SNRPN: variants seen among roughly 807,000 people sequenced by gnomAD.
SNRPN encodes small nuclear ribonucleoprotein-associated protein N.
Under a neutral mutation model 25.2 loss-of-function variants are expected in SNRPN, and 7 were observed. The observed-to-expected ratio is 0.28, with a 90% confidence interval of 0.16 to 0.52. The LOEUF is 0.52. Among genes scored for constraint, SNRPN ranks in the 20% least tolerant of loss-of-function variants. SNRPN has a pLI of 0.96. For missense variants in SNRPN, 196 were observed against 322.5 expected (o/e 0.61, Z 3.00); for synonymous variants, 124 against 110.6 (o/e 1.12, Z -0.76).
At chr15:24,855,791 CAAAAAAA>C (rs56081812), upstream of SNRPN, among the ~76,000 whole-genome samples, 1 of 71,992 alleles carries the variant, frequency 1.4e-5, no homozygotes, top group African/African-American at 5.6e-5. Flanking sequence ...GAATCTGTCT[CAAAAAAA>C]AAAAAAAAAA....
chr15:24,900,153 G>A (rs1366303930), intron 2 of SNRPN, among the ~76,000 whole-genome samples: 1 of 152,180 alleles, frequency 6.6e-6, no homozygotes, highest in Non-Finnish European at 1.5e-5. Flanking sequence ...ATAACTGTAA[G>A]GACTGTGGGG....
At chr15:24,839,271 A>G (rs533606148) in intron 2 of SNRPN, among the ~76,000 whole-genome samples, 1 of 152,154 alleles carries the variant, frequency 6.6e-6, no homozygotes, top group East Asian at 1.9e-4. Flanking sequence ...TACAAAGCCC[A>G]TCATATTCCA....
chr15:24,892,444 A>G (rs1176779398), intron 2 of SNRPN, among the ~76,000 whole-genome samples: 1 of 151,780 alleles, frequency 6.6e-6, no homozygotes, highest in Non-Finnish European at 1.5e-5. Flanking sequence ...GCTGGGGGAG[A>G]TATTAAATTC....
intron 2 of SNRPN, chr15:24,912,609 G>T (rs555681618): frequency 6.6e-6 from 1 of 152,306 alleles, no homozygotes; most frequent in Admixed American, 6.5e-5. Flanking sequence ...TCTAAAATTA[G>T]TGTGGAAATT....
intron 3 of SNRPN, among the ~76,000 whole-genome samples, chr15:24,939,508 C>T (rs2061422546): frequency 6.6e-6 from 1 of 152,188 alleles, no homozygotes; most frequent in South Asian, 2.1e-4. Context: ...TCTCGGCTCA[C>T]TGCAACCTCC....
At chr15:24,905,477 C>G (rs922040726) in intron 2 of SNRPN, among the ~76,000 whole-genome samples, 2 of 146,738 alleles carry the variant, frequency 1.4e-5, no homozygotes, top group African/African-American at 2.5e-5. Flanking sequence ...CCACTGCACT[C>G]GAGCCTGGGT....
intron 3 of SNRPN, among the ~76,000 whole-genome samples, chr15:24,931,783 G>A (rs559370469): frequency 1.1e-3 from 142 of 134,666 alleles, no homozygotes; most frequent in Middle Eastern, 8.5e-3. Flanking sequence ...AGGTTGCAGT[G>A]AGCCAAGATC....
At chr15:24,872,742 G>A (rs2055291661) in intron 1 of SNRPN, among the ~76,000 whole-genome samples, 3 of 61,746 alleles carry the variant, frequency 4.9e-5, no homozygotes, top group African/African-American at 6.1e-5. Flanking sequence ...GTGAAACTCC[G>A]TCTCGAAAAA....
intron 1 of SNRPN, among the ~76,000 whole-genome samples, chr15:24,956,354 C>CGGCG (rs66513284): frequency 1.2e-4 from 17 of 138,158 alleles, no homozygotes; most frequent in Non-Finnish European, 2.2e-4. Context: ...AGCGCTTCAG[C>CGGCG]GGGGGGGTGG....
chr15:24,825,564 A>G (rs2050025918), intron 1 of SNRPN, among the ~76,000 whole-genome samples: 1 of 152,070 alleles, frequency 6.6e-6, no homozygotes, highest in Non-Finnish European at 1.5e-5. Context: ...TCATAAATTG[A>G]AAATATCACC....
chr15:24,929,093 G>A lies in SNRPN; in HGVS notation c.-391+8969G>A, dbSNP rs1308490914. ...GCTACTGGTATGTTATTGCTTTTAGGCCCTTCCAGATATACGGGATATAAA... is the reference window on the plus strand; with the variant it reads ...GCTACTGGTATGTTATTGCTTTTAGACCCTTCCAGATATACGGGATATAAA... On this transcript the variant is annotated intron_variant, in intron 3 of 11. Transcript: ENST00000400097. This position sits in a 1 kb window ranked among gnomAD's most constrained non-coding sequence, Gnocchi z 5.3. Among the ~76,000 whole-genome samples, 1 of 152,048 alleles carries A rather than the reference G, an allele frequency of 6.6e-6. No individual in the cohort carries two copies. Among genetic ancestry groups the A allele is most frequent in the Non-Finnish European group, 1.5e-5 (1 of 68,014 alleles).
At chr15:24,842,850 C>T (rs2143640520) in intron 2 of SNRPN, among the ~76,000 whole-genome samples, 1 of 152,296 alleles carries the variant, frequency 6.6e-6, no homozygotes, top group Admixed American at 6.5e-5. Context: ...ATTTTCACCC[C>T]AAAAGTTCCT....
chr15:24,924,891 T>C (rs1041721141), intron 3 of SNRPN, among the ~76,000 whole-genome samples: 7 of 152,156 alleles, frequency 4.6e-5, no homozygotes, highest in African/African-American at 1.7e-4. Flanking sequence ...GTTGAGCTTA[T>C]GCTTGGCAGA....
At chr15:24,940,014 C>G (rs1210002052) in intron 3 of SNRPN, among the ~76,000 whole-genome samples, 1 of 152,016 alleles carries the variant, frequency 6.6e-6, no homozygotes, top group Non-Finnish European at 1.5e-5. Context: ...GGTCTCAAAC[C>G]ATTGGCCTCC....
intron 1 of SNRPN, among the ~76,000 whole-genome samples, chr15:24,882,175 G>A (rs2056758085): frequency 6.6e-6 from 1 of 151,934 alleles, no homozygotes; most frequent in Admixed American, 6.6e-5. Context: ...ACAAAAGTCG[G>A]TTCATTTGTT....
intron 2 of SNRPN, among the ~76,000 whole-genome samples, chr15:24,894,495 A>G (rs2057938923): frequency 1.3e-5 from 2 of 152,366 alleles, no homozygotes; most frequent in Admixed American, 6.5e-5. Flanking sequence ...CTGGGATTAC[A>G]GGCGTGAGCC....
At position 24,972,402 on chromosome 15, in the gene SNRPN, A is replaced by G. The variant is rs1444823861; in HGVS notation, c.-143-1909A>G. ...CTTACTCATATTTAGGACAGAAACT[A>G]CATTTAATTTTTGTGGAGGTCTTTG... On this transcript the variant is annotated intron_variant, in intron 3 of 9. Transcript: ENST00000390687. Among the ~76,000 whole-genome samples, 8 of 152,178 alleles carry G rather than the reference A, an allele frequency of 5.3e-5. 1 individual carries two copies. The highest frequency in any genetic ancestry group is 1.7e-4 in the African/African-American group (7 of 41,458).
At chr15:24,861,655 G>T (rs2053994134) in intron 1 of SNRPN, among the ~76,000 whole-genome samples, 1 of 152,164 alleles carries the variant, frequency 6.6e-6, no homozygotes, top group African/African-American at 2.4e-5. Context: ...GTGATAGGAA[G>T]TTCTCAGGTC....
At chr15:24,950,396 C>T (rs540484784), upstream of SNRPN, among the ~76,000 whole-genome samples, 28 of 151,886 alleles carry the variant, frequency 1.8e-4, no homozygotes, top group South Asian at 2.1e-3. Flanking sequence ...AGGCTGGTCT[C>T]GAACTCCTGA....
Sources: gnomAD v4.1 joint callset for allele counts (sites outside exome capture counted in the v4.1 genomes callset) on GRCh38, gnomAD v4.1.1 for gene constraint, Gnocchi (gnomAD v3.1) non-coding constraint, MANE v1.5 for transcripts, NCBI Gene and HGNC (gene_info 2026-07-23, HGNC 2026-07-21) for gene names.